The following SLC22A24 variants were observed in gnomAD, a reference collection of about 807,000 sequenced individuals.
SLC22A24 encodes the protein steroid transmembrane transporter SLC22A24.
In SLC22A24, 53 loss-of-function variants were observed where a neutral mutation model predicts 49.8. The ratio of observed to expected loss-of-function variants is 1.06; its 90% CI spans 0.85 to 1.34. The LOEUF is 1.34. Ranked by LOEUF, SLC22A24 falls within the 40% of genes most tolerant of loss-of-function variation. The pLI is 0.00. For synonymous variants in SLC22A24, 302 were observed against 256.4 expected (o/e 1.18, Z -1.70); for missense variants, 786 against 675.9 (o/e 1.16, Z -1.81).
At chr11:63,093,852 TA>T (rs1375201894) in intron 6 of SLC22A24, among the ~76,000 whole-genome samples, 1 of 151,946 alleles carries the variant, frequency 6.6e-6, no homozygotes, top group African/African-American at 2.4e-5. Context: ...AAATGTAAGT[TA>T]AAAAAATAAA....
chr11:63,118,637 A>G, intron 4 of SLC22A24: 1 of 558,808 alleles, frequency 1.8e-6, no homozygotes, highest in South Asian at 2.6e-5. Flanking sequence ...TAGATAAATA[A>G]TACATTTGCT....
At chr11:63,101,115 C>T (rs537511855) in intron 5 of SLC22A24, among the ~76,000 whole-genome samples, 98 of 152,120 alleles carry the variant, frequency 6.4e-4, no homozygotes, top group African/African-American at 2.1e-3. Context: ...AAGAGACAGC[C>T]TGCAGAATGG....
At position 63,097,368 on chromosome 11, in the gene SLC22A24, C is replaced by G. The variant is rs575268585; in HGVS notation, c.955-1262G>C. 3.3e-5 allele frequency among the ~76,000 whole-genome samples: 5 copies of G among 152,256 alleles called. No individual in the cohort carries two copies. The South Asian group carries it at 1.0e-3, about 32-fold the overall frequency. On this transcript the variant is annotated intron_variant, in intron 5 of 9. Transcript: ENST00000612278. ...ATTAGAGAAATGCAAATCAAAACCA[C>G]AGTAAGTTACCATCTCATGCCAGTT...
chr11:63,110,915 C>T (rs2087158598), intron 4 of SLC22A24, among the ~76,000 whole-genome samples: 1 of 151,206 alleles, frequency 6.6e-6, no homozygotes, highest in Non-Finnish European at 1.5e-5. Context: ...GAGGGCATCC[C>T]TGTCTTGTGC....
intron 4 of SLC22A24, among the ~76,000 whole-genome samples, chr11:63,109,927 C>G (rs1358863901): frequency 6.6e-6 from 1 of 152,086 alleles, no homozygotes; most frequent in Non-Finnish European, 1.5e-5. Flanking sequence ...TTGCCCATGC[C>G]TATGTCCTGA....
intron 5 of SLC22A24, among the ~76,000 whole-genome samples, chr11:63,097,157 T>C (rs1378242680): frequency 3.3e-5 from 5 of 152,074 alleles, no homozygotes; most frequent in Admixed American, 6.6e-5. Context: ...GAGAAAACTT[T>C]TGCAATCTAT....
At chr11:63,115,475 C>T (rs540463039) in intron 4 of SLC22A24, among the ~76,000 whole-genome samples, 36 of 152,278 alleles carry the variant, frequency 2.4e-4, no homozygotes, top group Middle Eastern at 3.4e-3. Flanking sequence ...TCTGTCATGG[C>T]TTCCTTTGGC....
intron 1 of SLC22A24, 45 bp from the exon 2 acceptor site, chr11:63,134,813 C>CTACTAAAGAGTTGA: frequency 1.5e-6 from 2 of 1,364,374 alleles, no homozygotes; most frequent in Non-Finnish European, 2.0e-6. Flanking sequence ...AGAAGAGTTT[C>CTACTAAAGAGTTGA]AACTCTTTAG....
At chr11:63,102,110 T>C (rs1453587000) in intron 5 of SLC22A24, among the ~76,000 whole-genome samples, 3 of 152,118 alleles carry the variant, frequency 2.0e-5, no homozygotes, top group Non-Finnish European at 2.9e-5. Context: ...GTTTGTAACA[T>C]GAAGAAAGGA....
chr11:63,116,865 C>T (rs79544571), intron 4 of SLC22A24, among the ~76,000 whole-genome samples: 5,567 of 152,236 alleles, frequency 0.037, 366 homozygotes, highest in East Asian at 0.32. Flanking sequence ...TCTGTTTTGA[C>T]CATCCAATAA....
intron 2 of SLC22A24, among the ~76,000 whole-genome samples, chr11:63,125,191 G>T (rs1293457917): frequency 1.3e-5 from 2 of 151,880 alleles, no homozygotes; most frequent in Non-Finnish European, 2.9e-5. Context: ...AAGTTCTGAG[G>T]TACCTGTGCA....
rs1429867255 is a variant in SLC22A24 at position 63,081,666 on chromosome 11, T to G, written c.1286A>C (p.Glu429Ala). 1.4e-5 allele frequency: 22 copies of G among 1,545,448 alleles called. No individual in the cohort carries two copies. The highest frequency in any genetic ancestry group is 1.9e-5 in the Non-Finnish European group (22 of 1,141,310). The change falls in exon 8 of 10, where the codon GAA becomes GCA. Residue 429 changes from glutamate (E) to alanine (A), a missense_variant and splice_region_variant. Coordinates refer to ENST00000612278, the MANE Select transcript of SLC22A24 (RefSeq NM_001136506.2). Reference sequence around the variant, plus strand: ...TAAAACCACACGCAGGATCTGCATTTCTAGAGAGAACAGTGAGAATCAGGA... The same window carrying G: ...TAAAACCACACGCAGGATCTGCATTGCTAGAGAGAACAGTGAGAATCAGGA... ...FILVNTFLPQ[E>A]MQILRVVLAT...
chr11:63,137,775 C>A (rs1006624404), intron 1 of SLC22A24: 4 of 152,120 alleles, frequency 2.6e-5, no homozygotes, highest in Non-Finnish European at 5.9e-5. Context: ...GTGGCATGAA[C>A]CCCACAGCTA....
chr11:63,080,760 G>C (rs2086954745), intron 9 of SLC22A24, among the ~76,000 whole-genome samples, 160 bp downstream of exon 9: 1 of 152,184 alleles, frequency 6.6e-6, no homozygotes, highest in Admixed American at 6.5e-5. Flanking sequence ...GGATAGGGTA[G>C]GCTGCTACTG....
At chr11:63,131,765 G>A (rs71462323) in intron 2 of SLC22A24, among the ~76,000 whole-genome samples, 120,581 of 151,470 alleles carry the variant, frequency 0.8, 49,041 homozygotes, top group East Asian at 0.9. Flanking sequence ...TCTTGGGCTT[G>A]CTCTTCTCAA....
chr11:63,095,747 T>G (rs989379279), intron 6 of SLC22A24, among the ~76,000 whole-genome samples: 1 of 152,222 alleles, frequency 6.6e-6, no homozygotes, highest in Non-Finnish European at 1.5e-5. Context: ...CACCATAATA[T>G]CCAGTGATAA....
At chr11:63,107,643 T>C (rs2087130546) in intron 4 of SLC22A24, among the ~76,000 whole-genome samples, 1 of 152,132 alleles carries the variant, frequency 6.6e-6, no homozygotes, top group Non-Finnish European at 1.5e-5. Flanking sequence ...TGAAAAGTAC[T>C]GTCACATCCC....
chr11:63,118,476 G>A (rs1204047259), intron 4 of SLC22A24: 3 of 206,718 alleles, frequency 1.5e-5, no homozygotes, highest in Non-Finnish European at 2.9e-5. Context: ...CCCTGAAGTC[G>A]CCCCCATCCT....
chr11:63,130,356 T>A lies in SLC22A24; in HGVS notation c.506+4309A>T, dbSNP rs184972938. ...TGATTATGGTGGATAAGCTTTTTGATGTGCTGCTGGATTCGGTTTGCTAAT... is the reference window on the plus strand; with the variant it reads ...TGATTATGGTGGATAAGCTTTTTGAAGTGCTGCTGGATTCGGTTTGCTAAT... On this transcript the variant is annotated intron_variant, in intron 2 of 9. Transcript: ENST00000612278. Among the ~76,000 whole-genome samples, 148 of 152,364 alleles carry A rather than the reference T, an allele frequency of 9.7e-4. 1 individual carries two copies. Among genetic ancestry groups the A allele is most frequent in the African/African-American group, 3.2e-3 (135 of 41,586 alleles).
Sources: gnomAD v4.1 joint callset for allele counts (sites outside exome capture counted in the v4.1 genomes callset) on GRCh38, gnomAD v4.1.1 for gene constraint, MANE v1.5 for transcripts, NCBI Gene and HGNC (gene_info 2026-07-23, HGNC 2026-07-21) for gene names.